The following CDH12 variants were observed in gnomAD, a reference collection of about 807,000 sequenced individuals.
CDH12 encodes cadherin 12, also known as cadherin-12.
In CDH12, 41 loss-of-function variants were observed where a neutral mutation model predicts 74.1. The ratio of observed to expected loss-of-function variants is 0.55; its 90% CI spans 0.43 to 0.72. The LOEUF (loss-of-function observed/expected upper bound fraction) is 0.72. CDH12 is among the 30% of genes least tolerant of loss of function. The pLI, the probability that CDH12 is intolerant of heterozygous loss-of-function variation, is 0.00. For missense variants in CDH12, 945 were observed against 977.2 expected (o/e 0.97, Z 0.44); for synonymous variants, 399 against 355.0 (o/e 1.12, Z -1.39).
intron 2 of CDH12, among the ~76,000 whole-genome samples, chr5:22,408,300 A>G (rs944225491): frequency 2.6e-5 from 4 of 151,634 alleles, no homozygotes; most frequent in Admixed American, 2.6e-4. Context: ...TATTGAAATC[A>G]ATGTGTCTGA....
intron 12 of CDH12, among the ~76,000 whole-genome samples, chr5:21,764,674 G>T (rs1433446623): frequency 7.2e-6 from 1 of 139,548 alleles, no homozygotes; most frequent in African/African-American, 2.6e-5. Flanking sequence ...AAAAAGAAAA[G>T]AAAAGGAAAG....
At position 22,723,295 on chromosome 5, in the gene CDH12, A is replaced by G. The variant is rs185944402; in HGVS notation, c.-523+129763T>C. On this transcript the variant is annotated intron_variant, in intron 1 of 14. Coordinates refer to ENST00000382254, the MANE Select transcript of CDH12 (RefSeq NM_004061.5). ...AAATACACATCACCATGTCAGTTTT[A>G]CACAAAGCGTTTATACGTTTTACTT... Among the ~76,000 whole-genome samples, 50 of 152,268 alleles carry G rather than the reference A, an allele frequency of 3.3e-4. 1 individual carries two copies. In the East Asian group the frequency reaches 7.9e-3, roughly 24 times the overall value.
At chr5:22,133,783 A>G (rs994442855) in intron 4 of CDH12, among the ~76,000 whole-genome samples, 1 of 148,874 alleles carries the variant, frequency 6.7e-6, no homozygotes, top group Non-Finnish European at 1.5e-5. Flanking sequence ...ACCCTTGTTG[A>G]TGGTGAACAG....
In CDH12 at chr5:22,246,940, GAT is replaced by G. The variant is rs932360448; in HGVS notation, c.-332-34299_-332-34298del. On this transcript the variant is annotated intron_variant, in intron 3 of 14. Transcript: ENST00000382254. ...TTGGCATTGTTTGAAGAAACAAAAG[GAT>G]AACGTTTCATATTCTAAAGCATTTA... Among the ~76,000 whole-genome samples the G allele has an allele frequency of 2.0e-5, 3 of 152,140 alleles. No individual in the cohort carries two copies. In the East Asian group the frequency reaches 5.8e-4, roughly 29 times the overall value.
intron 5 of CDH12, among the ~76,000 whole-genome samples, chr5:22,067,674 T>C (rs892178401): frequency 6.0e-4 from 92 of 152,152 alleles, no homozygotes; most frequent in Non-Finnish European, 3.4e-4. Context: ...TTTGATGAAT[T>C]ACAGCACAGG....
intron 1 of CDH12, among the ~76,000 whole-genome samples, chr5:22,735,619 C>T (rs1744664050): frequency 6.6e-6 from 1 of 151,842 alleles, no homozygotes; most frequent in African/African-American, 2.4e-5. Flanking sequence ...TTTAGCATGC[C>T]AAACAACTTA....
chr5:21,792,900 C>T (rs1316286022), intron 10 of CDH12, among the ~76,000 whole-genome samples: 1 of 151,648 alleles, frequency 6.6e-6, no homozygotes, highest in Non-Finnish European at 1.5e-5. Context: ...CTTTAAACAT[C>T]CTGAGTCTCA....
chr5:22,255,191 G>A (rs912133738), intron 3 of CDH12, among the ~76,000 whole-genome samples: 1 of 151,528 alleles, frequency 6.6e-6, no homozygotes, highest in African/African-American at 2.4e-5. Flanking sequence ...TCATTAGCTA[G>A]GTCTAAAGGG....
intron 1 of CDH12, among the ~76,000 whole-genome samples, chr5:22,748,329 CAT>C (rs1278327828): frequency 6.6e-6 from 1 of 151,434 alleles, no homozygotes; most frequent in Non-Finnish European, 1.5e-5. Context: ...ATACACAAGA[CAT>C]AAATGAATAG....
At chr5:22,598,982 A>G (rs1366812906) in intron 1 of CDH12, among the ~76,000 whole-genome samples, 1 of 152,132 alleles carries the variant, frequency 6.6e-6, no homozygotes, top group Non-Finnish European at 1.5e-5. Flanking sequence ...TACCTCCTGC[A>G]TGCTGGATCT....
At chr5:21,970,359 G>A (rs1326847586) in intron 6 of CDH12, among the ~76,000 whole-genome samples, 1 of 152,130 alleles carries the variant, frequency 6.6e-6, no homozygotes, top group Non-Finnish European at 1.5e-5. Context: ...TCCATGGCTG[G>A]CTCAAGGGAT....
intron 1 of CDH12, among the ~76,000 whole-genome samples, chr5:22,733,740 A>G (rs1413705545): frequency 1.3e-5 from 2 of 151,976 alleles, no homozygotes; most frequent in Non-Finnish European, 2.9e-5. Context: ...TATTTATTAA[A>G]GTGAGGGGGG....
intron 1 of CDH12, among the ~76,000 whole-genome samples, chr5:22,806,756 T>G (rs1324511671): frequency 6.6e-6 from 1 of 152,168 alleles, no homozygotes; most frequent in East Asian, 1.9e-4. Flanking sequence ...ATATGTTTGT[T>G]GGCTGCAAAA....
chr5:22,506,215 G>A (rs1736380874), intron 1 of CDH12, among the ~76,000 whole-genome samples: 1 of 152,064 alleles, frequency 6.6e-6, no homozygotes, highest in East Asian at 1.9e-4. Context: ...AAGGGATACA[G>A]AGTTAAGCTC....
At chr5:22,567,960 C>G (rs1739371690) in intron 1 of CDH12, among the ~76,000 whole-genome samples, 1 of 152,178 alleles carries the variant, frequency 6.6e-6, no homozygotes, top group Admixed American at 6.6e-5. Context: ...TTCCTCATTC[C>G]TCAATATACA....
intron 5 of CDH12, among the ~76,000 whole-genome samples, chr5:22,001,390 C>T (rs1334163652): frequency 6.6e-6 from 1 of 152,152 alleles, no homozygotes; most frequent in African/African-American, 2.4e-5. Context: ...GCTCACTCCT[C>T]CCAGAATGCC....
chr5:21,866,862 A>C (rs908726951), intron 6 of CDH12, among the ~76,000 whole-genome samples: 3 of 152,096 alleles, frequency 2.0e-5, no homozygotes, highest in African/African-American at 7.2e-5. Flanking sequence ...ACAGATCTGG[A>C]GGTCTAGGAG....
intron 4 of CDH12, among the ~76,000 whole-genome samples, chr5:22,185,051 C>A (rs1749854560): frequency 6.6e-6 from 1 of 151,986 alleles, no homozygotes; most frequent in African/African-American, 2.4e-5. Context: ...TCCTCTCTAT[C>A]CGTCCATGTG....
intron 3 of CDH12, among the ~76,000 whole-genome samples, chr5:22,271,762 G>A (rs1736410302): frequency 6.6e-6 from 1 of 151,644 alleles, no homozygotes; most frequent in Admixed American, 6.6e-5. Flanking sequence ...CAGGTACATT[G>A]TCAATGAGCA....
Sources: allele counts gnomAD v4.1 joint callset (sites outside exome capture counted in the v4.1 genomes callset), GRCh38; gene constraint gnomAD v4.1.1; transcripts MANE v1.5; gene names NCBI Gene and HGNC (gene_info 2026-07-23, HGNC 2026-07-21).